DNAH12: variants seen among roughly 807,000 people sequenced by gnomAD.
DNAH12 encodes the protein axonemal beta dynein heavy chain 12.
In DNAH12, 285 loss-of-function variants were observed where a neutral mutation model predicts 371.5. That is an observed-to-expected ratio of 0.77 (90% CI 0.70 to 0.85). The LOEUF (loss-of-function observed/expected upper bound fraction) is 0.85, where lower values mean the gene tolerates loss of function less well. Ranked by LOEUF, DNAH12 falls within the 40% of genes least tolerant of loss-of-function variation. The pLI, the probability that DNAH12 is intolerant of heterozygous loss-of-function variation, is 0.00. For missense variants in DNAH12, 3,611 were observed against 3,689.4 expected, an observed-to-expected ratio of 0.98 and a Z score of 0.55; for synonymous variants, 1,200 against 1,213.0, an observed-to-expected ratio of 0.99 and a Z score of 0.22.
chr3:57,554,779 C>A, the DNAH12 span, among the ~76,000 whole-genome samples: 2 of 151,960 alleles, frequency 1.3e-5, no homozygotes, highest in South Asian at 2.1e-4. Flanking sequence ...CCATGCCCAG[C>A]TAATTTTTTG....
At chr3:57,438,230 G>A (rs1165681988) in intron 29 of DNAH12, among the ~76,000 whole-genome samples, 2 of 152,162 alleles carry the variant, frequency 1.3e-5, no homozygotes, top group Non-Finnish European at 2.9e-5. Context: ...AGAATCGCTT[G>A]AACCCGGGAG....
intron 25 of DNAH12, among the ~76,000 whole-genome samples, chr3:57,448,009 T>C (rs1265321026): frequency 6.6e-6 from 1 of 152,202 alleles, no homozygotes; most frequent in East Asian, 1.9e-4. Context: ...TGCCATATTG[T>C]TAATGCCCAT....
At chr3:57,452,054 C>G (rs1379783739) in intron 25 of DNAH12, among the ~76,000 whole-genome samples, 1 of 152,156 alleles carries the variant, frequency 6.6e-6, no homozygotes, top group African/African-American at 2.4e-5. Context: ...ACTTTCGCTC[C>G]TGCTCTAAAC....
chr3:57,407,300 C>T (rs897031411), intron 40 of DNAH12, among the ~76,000 whole-genome samples: 4 of 137,808 alleles, frequency 2.9e-5, no homozygotes, highest in South Asian at 2.3e-4. Context: ...AAAAAAAAGC[C>T]GGGGGTAGGG....
chr3:57,550,666 C>T, the DNAH12 span, among the ~76,000 whole-genome samples: 1 of 151,520 alleles, frequency 6.6e-6, no homozygotes, highest in Non-Finnish European at 1.5e-5. Flanking sequence ...GCACGTACCA[C>T]GACGCCCAGC....
chr3:57,342,566 G>A (rs572308099), intron 60 of DNAH12, among the ~76,000 whole-genome samples: 10 of 139,232 alleles, frequency 7.2e-5, no homozygotes, highest in East Asian at 6.2e-4. Flanking sequence ...GCTGAGGCAG[G>A]AGAATCACTT....
At chr3:57,531,802 C>T (rs994971435) in intron 2 of DNAH12, among the ~76,000 whole-genome samples, 3 of 142,654 alleles carry the variant, frequency 2.1e-5, no homozygotes, top group African/African-American at 7.8e-5. Flanking sequence ...GCCTTGAGGT[C>T]ATCTTCTTTG....
At chr3:57,323,370 T>C in intron 63 of DNAH12, 99 bp downstream of exon 63, 1 of 1,472,446 alleles carries the variant, frequency 6.8e-7, no homozygotes, top group Non-Finnish European at 9.0e-7. Flanking sequence ...TCTCTGTAAA[T>C]ATCAGATTTA....
intron 20 of DNAH12, among the ~76,000 whole-genome samples, chr3:57,458,649 T>G (rs1174705782): frequency 6.6e-6 from 1 of 152,204 alleles, no homozygotes. Flanking sequence ...CTAAAAATTA[T>G]TTTCACACTT....
rs2065485499 is a variant in DNAH12 at position 57,446,081 on chromosome 3, T to A, written c.4129A>T (p.Thr1377Ser). 1 of 1,551,570 alleles carries A rather than the reference T, an allele frequency of 6.4e-7. No homozygotes were observed. The highest frequency in any genetic ancestry group is 1.2e-5 in the South Asian group (1 of 84,062). ...CGTCCTGCATAGCCAGGATTCATGG[T>A]AATAGCTACAAAACAATTCGGATTG... ...KLNPNCFVAI[T>S]MNPGYAGRSE... Residue 1377 changes from threonine to serine, a missense_variant, in exon 27 of 74, where the codon ACC becomes TCC. This residue lies in a region of DNAH12 where 2,266 missense variants were observed against 2,236.9 expected (regional missense o/e 1.01). Transcript: ENST00000495027.
intron 20 of DNAH12, 37 bp from the exon 21 acceptor site, chr3:57,458,257 T>C: frequency 6.6e-7 from 1 of 1,517,468 alleles, no homozygotes; most frequent in Non-Finnish European, 8.8e-7. Context: ...AGCACTTTTA[T>C]GCCAGATATA....
intron 29 of DNAH12, among the ~76,000 whole-genome samples, chr3:57,439,746 C>A (rs1269026637): frequency 1.8e-5 from 2 of 111,886 alleles, no homozygotes; most frequent in Non-Finnish European, 4.2e-5. Flanking sequence ...ACAGAAAAAA[C>A]AACAACCTAC....
chr3:57,390,450 T>TATATATATATATAC (rs1559608977), intron 45 of DNAH12, among the ~76,000 whole-genome samples: 3 of 46,500 alleles, frequency 6.5e-5, no homozygotes, highest in Non-Finnish European at 1.3e-4. Context: ...TATATATATA[T>TATATATATATATAC]ACTTAGACCA....
intron 66 of DNAH12, 68 bp from the exon 67 acceptor site, chr3:57,311,018 G>GT (rs1362064623): frequency 9.2e-7 from 1 of 1,090,916 alleles, no homozygotes; most frequent in Admixed American, 2.2e-5. Flanking sequence ...TTTTAAGTAT[G>GT]TATCTATCTA....
intron 2 of DNAH12, among the ~76,000 whole-genome samples, chr3:57,540,739 G>A (rs965024464): frequency 2.6e-5 from 4 of 151,988 alleles, no homozygotes; most frequent in African/African-American, 7.2e-5. Flanking sequence ...AGACCAGACT[G>A]GGCAACATGG....
intron 5 of DNAH12, among the ~76,000 whole-genome samples, chr3:57,509,856 C>T (rs1273939649): frequency 5.9e-5 from 5 of 84,072 alleles, no homozygotes; most frequent in Non-Finnish European, 8.4e-5. Context: ...AGTGAGACTC[C>T]ATCATAAAAA....
At chr3:57,447,302 A>C (rs1196273478) in intron 25 of DNAH12, among the ~76,000 whole-genome samples, 1 of 152,216 alleles carries the variant, frequency 6.6e-6, no homozygotes, top group Non-Finnish European at 1.5e-5. Flanking sequence ...GTGCTTAATG[A>C]CAATATCAGC....
At chr3:57,535,374 TA>T (rs1231385035) in intron 2 of DNAH12, among the ~76,000 whole-genome samples, 1 of 152,196 alleles carries the variant, frequency 6.6e-6, no homozygotes, top group Non-Finnish European at 1.5e-5. Flanking sequence ...GGCTTTGTTA[TA>T]AAAGCAAGCT....
intron 73 of DNAH12, among the ~76,000 whole-genome samples, chr3:57,294,317 C>T (rs1261704828): frequency 6.6e-6 from 1 of 151,972 alleles, no homozygotes; most frequent in Non-Finnish European, 1.5e-5. Context: ...GGTGGGACTA[C>T]AGGTGCCTGC....
Sources: allele counts gnomAD v4.1 joint callset (sites outside exome capture counted in the v4.1 genomes callset), GRCh38; gene constraint gnomAD v4.1.1; regional missense constraint gnomAD v4.1.1; transcripts MANE v1.5; gene names NCBI Gene and HGNC (gene_info 2026-07-23, HGNC 2026-07-21).